FHIP1A: variants seen among roughly 807,000 people sequenced by gnomAD.
The protein encoded by FHIP1A is FHF complex subunit HOOK interacting protein 1A, also known as FHF complex subunit HOOK-interacting protein 1A.
Under a neutral mutation model 88.6 loss-of-function variants are expected in FHIP1A, and 61 were observed. That is an observed-to-expected ratio of 0.69 (90% CI 0.56 to 0.85). The LOEUF (loss-of-function observed/expected upper bound fraction) is 0.85. FHIP1A is among the 40% of genes least tolerant of loss of function. The pLI, the probability that FHIP1A is intolerant of heterozygous loss-of-function variation, is 0.00. For missense variants in FHIP1A, 1,154 were observed against 1,273.5 expected, an observed-to-expected ratio of 0.91 and a Z score of 1.43; for synonymous variants, 478 against 496.0, an observed-to-expected ratio of 0.96 and a Z score of 0.48.
At chr4:151,458,943 C>G (rs73861826) in intron 2 of FHIP1A, among the ~76,000 whole-genome samples, 17,723 of 151,948 alleles carry the variant, frequency 0.12, 1,091 homozygotes, top group African/African-American at 0.14. Context: ...ATTGAACCAA[C>G]CAGCACCACC....
rs184338538 is a variant in FHIP1A at position 151,412,622 on chromosome 4, C to T, written c.-356+3157C>T. On this transcript the variant is annotated intron_variant, in intron 1 of 13. Coordinates refer to ENST00000435205, the MANE Select transcript of FHIP1A (RefSeq NM_001109977.3). ...TTCCTTCCTTCCTTCCTCCCTCCCT[C>T]CCTCCCTCCCTCCCTCCCTCCCTGC... Among the ~76,000 whole-genome samples the T allele has an allele frequency of 7.0e-3, 708 of 101,610 alleles. 8 individuals are homozygous for T. The highest frequency in any genetic ancestry group is 0.028 in the African/African-American group (638 of 23,064). 66.7% of individuals were successfully genotyped at this position (101,610 alleles called of 152,430 possible).
chr4:151,425,773 G>C (rs1733344097), intron 1 of FHIP1A, among the ~76,000 whole-genome samples: 1 of 110,686 alleles, frequency 9.0e-6, no homozygotes, highest in South Asian at 2.5e-4. Flanking sequence ...GTTGTCCTTG[G>C]CTTGTGGCTG....
chr4:151,449,099 T>C (rs1179042323), intron 1 of FHIP1A, among the ~76,000 whole-genome samples: 2 of 152,206 alleles, frequency 1.3e-5, no homozygotes, highest in African/African-American at 4.8e-5. Context: ...GGGATGATGA[T>C]GGTTTTTTTA....
intron 3 of FHIP1A, among the ~76,000 whole-genome samples, chr4:151,544,452 A>G (rs1249898983): frequency 1.3e-5 from 2 of 152,198 alleles, no homozygotes; most frequent in Non-Finnish European, 2.9e-5. Flanking sequence ...GATACTGATT[A>G]ACCTCACCAA....
chr4:151,531,508 T>C (rs1197442035), intron 3 of FHIP1A, among the ~76,000 whole-genome samples: 1 of 151,756 alleles, frequency 6.6e-6, no homozygotes, highest in Non-Finnish European at 1.5e-5. Flanking sequence ...TTTCTTCTTT[T>C]TTTTTTTTGC....
intron 1 of FHIP1A, among the ~76,000 whole-genome samples, chr4:151,443,385 A>C (rs1008351754): frequency 6.6e-6 from 1 of 152,122 alleles, no homozygotes; most frequent in Non-Finnish European, 1.5e-5. Context: ...TGGTGTGATC[A>C]TAGAACTCCT....
intron 4 of FHIP1A, among the ~76,000 whole-genome samples, chr4:151,567,438 TA>T (rs1733431484): frequency 6.6e-6 from 1 of 152,002 alleles, no homozygotes; most frequent in South Asian, 2.1e-4. Context: ...CTATCTAGTA[TA>T]AACCTTCTCC....
chr4:151,448,671 A>G (rs1284043820), intron 1 of FHIP1A, among the ~76,000 whole-genome samples: 1 of 152,164 alleles, frequency 6.6e-6, no homozygotes, highest in Admixed American at 6.6e-5. Context: ...ACTCCAGTGT[A>G]TGTGTATATT....
intron 7 of FHIP1A, among the ~76,000 whole-genome samples, chr4:151,592,050 C>T (rs1734453622): frequency 6.6e-6 from 1 of 152,198 alleles, no homozygotes; most frequent in East Asian, 1.9e-4. Flanking sequence ...ACACTGTCTT[C>T]CACAATGGTT....
In FHIP1A at chr4:151,632,724, C is replaced by T. The variant is rs1183697261; in HGVS notation, c.1146+2855C>T. ...ATGAATACATACAAATTAAACAACA[C>T]ATTCTTGGGCCAAAGAAGAAATCAC... On this transcript the variant is annotated intron_variant, in intron 8 of 13. Transcript: ENST00000435205. 2.0e-5 allele frequency among the ~76,000 whole-genome samples: 3 copies of T among 151,946 alleles called. No individual in the cohort carries two copies. In the East Asian group the frequency reaches 5.8e-4, roughly 29 times the overall value.
At chr4:151,465,449 A>G (rs1056988638) in intron 2 of FHIP1A, among the ~76,000 whole-genome samples, 2 of 152,196 alleles carry the variant, frequency 1.3e-5, no homozygotes, top group Non-Finnish European at 2.9e-5. Context: ...AGGTACAAAG[A>G]GGAGCTGATA....
At chr4:151,476,380 C>T (rs1426736260) in intron 2 of FHIP1A, among the ~76,000 whole-genome samples, 1 of 151,896 alleles carries the variant, frequency 6.6e-6, no homozygotes. Context: ...AACTCCTGGC[C>T]TTAAGAAATC....
intron 1 of FHIP1A, among the ~76,000 whole-genome samples, chr4:151,429,089 G>A (rs1027916947): frequency 6.9e-6 from 1 of 143,936 alleles, no homozygotes; most frequent in African/African-American, 2.6e-5. Flanking sequence ...GTTTTGTTTT[G>A]TTCATAGTGT....
intron 3 of FHIP1A, among the ~76,000 whole-genome samples, chr4:151,533,579 T>C (rs1731961176): frequency 6.6e-6 from 1 of 152,258 alleles, no homozygotes. Flanking sequence ...TAATTATTTA[T>C]TGATCACATA....
chr4:151,471,152 T>C (rs1384796435), intron 2 of FHIP1A, among the ~76,000 whole-genome samples: 1 of 152,134 alleles, frequency 6.6e-6, no homozygotes, highest in Non-Finnish European at 1.5e-5. Flanking sequence ...TCCTCCAACC[T>C]GTGTGGTGGT....
intron 2 of FHIP1A, among the ~76,000 whole-genome samples, chr4:151,479,659 C>A (rs1248522067): frequency 2.6e-5 from 4 of 152,046 alleles, no homozygotes; most frequent in Admixed American, 2.6e-4. Context: ...ATAATCCACA[C>A]CTCTTGTATA....
intron 3 of FHIP1A, among the ~76,000 whole-genome samples, chr4:151,555,790 C>CTGAAT (rs1732923048): frequency 6.6e-6 from 1 of 152,126 alleles, no homozygotes; most frequent in East Asian, 1.9e-4. Context: ...GGCTGGCTGA[C>CTGAAT]TGAATTGCTC....
In FHIP1A at chr4:151,664,407, C is replaced by A. The variant is rs1737588190; in HGVS notation, c.*1653C>A. Among the ~76,000 whole-genome samples the A allele has an allele frequency of 6.6e-6, 1 of 152,250 alleles. No homozygotes were observed. Among genetic ancestry groups the A allele is most frequent in the African/African-American group, 2.4e-5 (1 of 41,464 alleles). On this transcript the variant is annotated 3_prime_UTR_variant, in exon 14 of 14. Transcript: ENST00000435205. The stretch of plus-strand genomic sequence containing the variant: ...AATTGAGAGCTGGCCTGTGAAATGA[C>A]AACAGGAGACCTGGCCTGGGCAGGG...
chr4:151,415,692 A>G (rs906987311), intron 1 of FHIP1A, among the ~76,000 whole-genome samples: 2 of 152,180 alleles, frequency 1.3e-5, no homozygotes, highest in Non-Finnish European at 2.9e-5. Flanking sequence ...TTTTAGTTAT[A>G]TGAACATATT....
Sources: gnomAD v4.1 joint callset for allele counts (sites outside exome capture counted in the v4.1 genomes callset) on GRCh38, gnomAD v4.1.1 for gene constraint, MANE v1.5 for transcripts, NCBI Gene and HGNC (gene_info 2026-07-23, HGNC 2026-07-21) for gene names.